ATP6V0C: variants seen among roughly 807,000 people sequenced by gnomAD.
The protein encoded by ATP6V0C is ATPase H+ transporting V0 subunit c.
ATP6V0C carries 2 observed loss-of-function variants against 10.6 expected under a neutral mutation model. The ratio of observed to expected loss-of-function variants is 0.19; its 90% CI spans 0.08 to 0.59. The LOEUF (loss-of-function observed/expected upper bound fraction) is 0.59, where lower values mean the gene tolerates loss of function less well. Among genes scored for constraint, ATP6V0C ranks in the 20% least tolerant of loss-of-function variants. ATP6V0C has a pLI of 0.90. For synonymous variants in ATP6V0C, 128 were observed against 101.3 expected (o/e 1.26, Z -1.59); for missense variants, 89 against 225.9 (o/e 0.39, Z 3.88).
chr16:2,519,484 C>T (rs1367391400), intron 2 of ATP6V0C, 57 bp from the exon 3 acceptor site: 2 of 1,547,946 alleles, frequency 1.3e-6, no homozygotes, highest in South Asian at 1.2e-5. Flanking sequence ...TGACCCGGAC[C>T]CTTGTCTCCC....
Position 2,514,049 on chromosome 16 carries a change from C to CCCGCCTCCGCCA in ATP6V0C, c.-47_-36dup. On this transcript the variant is annotated 5_prime_UTR_variant, in exon 1 of 3. Transcript: ENST00000330398. Reference sequence around the variant, plus strand: ...CCTTCGTGCCCGGCCCGTCCTCGCCCCCGCCTCCGCCACCGCCTCGGCCCG... The same window carrying CCCGCCTCCGCCA: ...CCTTCGTGCCCGGCCCGTCCTCGCCCCCGCCTCCGCCACCGCCTCCGCCACCGCCTCGGCCCG... The CCCGCCTCCGCCA allele has an allele frequency of 6.7e-7, 1 of 1,500,874 alleles. No individual in the cohort carries two copies. Among genetic ancestry groups the CCCGCCTCCGCCA allele is most frequent in the Non-Finnish European group, 9.0e-7 (1 of 1,111,992 alleles). The allele number at this position is 1,500,874 out of a possible 1,614,324, so 93.0% of individuals were successfully genotyped here. A position where few individuals can be genotyped will look rare whatever the true frequency, so the allele number is the denominator to read the frequency against.
Position 2,519,902 on chromosome 16 carries a change from C to T in ATP6V0C, c.*157C>T. 1 of 1,103,120 alleles carries T rather than the reference C, an allele frequency of 9.1e-7. No individual in the cohort carries two copies. Among genetic ancestry groups the T allele is most frequent in the Non-Finnish European group, 1.3e-6 (1 of 750,878 alleles). The allele number at this position is 1,103,120 out of a possible 1,614,324, so 68.3% of individuals were successfully genotyped here. A position where few individuals can be genotyped will look rare whatever the true frequency, so the allele number is the denominator to read the frequency against. On this transcript the variant is annotated 3_prime_UTR_variant, in exon 3 of 3. Coordinates refer to ENST00000330398, the MANE Select transcript of ATP6V0C (RefSeq NM_001694.4). ...AGTGCCCATCGTCTGTTTCCCCGGCCTTGCCCCCGCCCGCCCCGTGCCGTG... is the reference window on the plus strand; with the variant it reads ...AGTGCCCATCGTCTGTTTCCCCGGCTTTGCCCCCGCCCGCCCCGTGCCGTG...
Position 2,519,760 on chromosome 16 carries a change from C to G in ATP6V0C, c.*15C>G. Reference sequence around the variant, plus strand: ...CCACAAAGTAGACCCTCTCCGAGCCCACCAGCCACAGAATATTATGTAAAG... The same window carrying G: ...CCACAAAGTAGACCCTCTCCGAGCCGACCAGCCACAGAATATTATGTAAAG... On this transcript the variant is annotated 3_prime_UTR_variant, in exon 3 of 3. Coordinates refer to ENST00000330398, the MANE Select transcript of ATP6V0C (RefSeq NM_001694.4). 6.3e-7 allele frequency: 1 copy of G among 1,586,258 alleles called. No homozygotes were observed. The highest frequency in any genetic ancestry group is 1.3e-5 in the African/African-American group (1 of 74,248).
chr16:2,514,591 G>C (rs1414341016), intron 1 of ATP6V0C, among the ~76,000 whole-genome samples: 1 of 152,166 alleles, frequency 6.6e-6, no homozygotes, highest in South Asian at 2.1e-4. Context: ...CCCAGTGCGC[G>C]GGCGGCGGCG....
At chr16:2,517,577 C>A (rs977360642) in intron 1 of ATP6V0C, 1 of 152,290 alleles carries the variant, frequency 6.6e-6, no homozygotes, top group African/African-American at 2.4e-5. Flanking sequence ...TGTGTCCTCA[C>A]CCCTGCTGAG....
upstream of ATP6V0C, chr16:2,513,873 C>T: frequency 9.9e-6 from 4 of 402,314 alleles, no homozygotes; most frequent in Non-Finnish European, 1.8e-5. Flanking sequence ...CCCGGGGACG[C>T]GTCTCCCCCA....
chr16:2,514,801 G>C (rs1211544502), intron 1 of ATP6V0C, among the ~76,000 whole-genome samples: 1 of 152,196 alleles, frequency 6.6e-6, no homozygotes, highest in African/African-American at 2.4e-5. Flanking sequence ...TGGGCTGTTT[G>C]GGAAAGCTGG....
At chr16:2,519,018 T>G in intron 1 of ATP6V0C, 200 bp from the exon 2 acceptor site, 3 of 547,856 alleles carry the variant, frequency 5.5e-6, no homozygotes, top group Non-Finnish European at 9.5e-6. Context: ...GAAGGAGGAG[T>G]GGCTGTCCTG....
Position 2,519,239 on chromosome 16 carries a change from C to T in ATP6V0C, c.101C>T (p.Thr34Ile). The T allele has an allele frequency of 6.2e-7, 1 of 1,613,270 alleles. No individual in the cohort carries two copies. The change falls in exon 2 of 3, where the codon ACA (threonine) becomes ATA (isoleucine). Residue 34 changes from threonine (T) to isoleucine (I), a missense_variant. Transcript: ENST00000330398. Reference protein sequence around the residue: ...VFSALGAAYGTAKSGTGIAAM... With the variant: ...VFSALGAAYGIAKSGTGIAAM... ...ACAGCCCTGGGCGCTGCCTATGGCACAGCCAAGAGCGGTACCGGCATTGCG... is the reference window on the plus strand; with the variant it reads ...ACAGCCCTGGGCGCTGCCTATGGCATAGCCAAGAGCGGTACCGGCATTGCG...
chr16:2,519,443 G>A (rs780072027), intron 2 of ATP6V0C, 42 bp downstream of exon 2: 12 of 1,582,594 alleles, frequency 7.6e-6, no homozygotes, highest in Non-Finnish European at 1.0e-5. Context: ...CTGGAGGACT[G>A]CAGGGAGGGG....
In ATP6V0C at chr16:2,513,994, G is replaced by A. The variant is rs552017485; in HGVS notation, c.-110G>A. 1.8e-5 allele frequency: 18 copies of A among 979,008 alleles called. No homozygotes were observed. The highest frequency in any genetic ancestry group is 1.8e-4 in the East Asian group (6 of 33,090). The allele number at this position is 979,008 out of a possible 1,614,324, so 60.6% of individuals were successfully genotyped here. ...TTTAGAGCGCAGCGGCTGACGGGCC[G>A]GATCGCCTTCGCCGCCGCCCGCCCG... is the stretch of plus-strand genomic sequence containing the variant. On this transcript the variant is annotated 5_prime_UTR_variant, in exon 1 of 3. Transcript: ENST00000330398.
At chr16:2,515,719 T>A (rs974197094) in intron 1 of ATP6V0C, among the ~76,000 whole-genome samples, 1 of 152,136 alleles carries the variant, frequency 6.6e-6, no homozygotes, top group Non-Finnish European at 1.5e-5. Context: ...ACCTGTGGGG[T>A]ATTAGCTTGT....
At position 2,514,082 on chromosome 16, in the gene ATP6V0C, T is replaced by G. The variant is rs779508114; in HGVS notation, c.-22T>G. ...CGCCACCGCCTCGGCCCGCAGAGCT[T>G]GCCCCCTCCCCACCCGCAGACATGT... On this transcript the variant is annotated 5_prime_UTR_variant, in exon 1 of 3. Coordinates refer to ENST00000330398, the MANE Select transcript of ATP6V0C (RefSeq NM_001694.4). The G allele has an allele frequency of 6.4e-7, 1 of 1,559,952 alleles. No homozygotes were observed. Among genetic ancestry groups the G allele is most frequent in the Non-Finnish European group, 8.7e-7 (1 of 1,153,770 alleles).
At chr16:2,515,473 G>A (rs1257044007) in intron 1 of ATP6V0C, among the ~76,000 whole-genome samples, 2 of 152,060 alleles carry the variant, frequency 1.3e-5, no homozygotes, top group African/African-American at 4.8e-5. Flanking sequence ...TCTCTTGCGG[G>A]CCTCCTTCTG....
In ATP6V0C at chr16:2,514,013, C is replaced by A. The variant is rs1596981734; in HGVS notation, c.-91C>A. The stretch of plus-strand genomic sequence containing the variant: ...CGGGCCGGATCGCCTTCGCCGCCGC[C>A]CGCCCGCAAACCTTCGTGCCCGGCC... On this transcript the variant is annotated 5_prime_UTR_variant, in exon 1 of 3. Transcript: ENST00000330398. 2 of 1,246,116 alleles carry A rather than the reference C, an allele frequency of 1.6e-6. No homozygotes were observed. Among genetic ancestry groups the A allele is most frequent in the South Asian group, 1.4e-5 (1 of 71,384 alleles). 77.2% of individuals were successfully genotyped at this position (1,246,116 alleles called of 1,614,324 possible).
chr16:2,514,098 G>T lies in ATP6V0C; in HGVS notation c.-6G>T. 1 of 1,572,782 alleles carries T rather than the reference G, an allele frequency of 6.4e-7. No individual in the cohort carries two copies. Among genetic ancestry groups the T allele is most frequent in the Non-Finnish European group, 8.6e-7 (1 of 1,160,784 alleles). The stretch of plus-strand genomic sequence containing the variant: ...CGCAGAGCTTGCCCCCTCCCCACCC[G>T]CAGACATGTCCGAGTCCAAGAGCGG... On this transcript the variant is annotated 5_prime_UTR_variant, in exon 1 of 3. Transcript: ENST00000330398.
rs1323060473 is a variant in ATP6V0C, at chr16:2,519,993, A to G, written c.*248A>G. ...CCCCACCCCCTAGAGTGCTCTGTGT[A>G]TGCGGATGATTTAGAATTGTCATTT... is the stretch of plus-strand genomic sequence containing the variant. On this transcript the variant is annotated 3_prime_UTR_variant, in exon 3 of 3. Transcript: ENST00000330398. 4 of 689,984 alleles carry G rather than the reference A, an allele frequency of 5.8e-6. No individual in the cohort carries two copies. The highest frequency in any genetic ancestry group is 1.5e-5 in the South Asian group (1 of 66,616). The allele number at this position is 689,984 out of a possible 1,614,324, so 42.7% of individuals were successfully genotyped here. A position where few individuals can be genotyped will look rare whatever the true frequency, so the allele number is the denominator to read the frequency against.
At chr16:2,514,242 G>C in intron 1 of ATP6V0C, 60 bp downstream of exon 1, 2 of 1,472,044 alleles carry the variant, frequency 1.4e-6, no homozygotes, top group South Asian at 1.3e-5. Flanking sequence ...CATGCCCGCA[G>C]CTCGCCGGGG....
In ATP6V0C at chr16:2,519,358, G is replaced by A; in HGVS notation, c.220G>A (p.Val74Ile). The A allele has an allele frequency of 6.2e-7, 1 of 1,614,106 alleles. No individual in the cohort carries two copies. ...CGCCATCTACGGCCTGGTGGTGGCA[G>A]TCCTCATCGCCAACTCCCTGAATGA... ...IIAIYGLVVA[V>I]LIANSLNDDI... Residue 74 changes from valine (V) to isoleucine (I), a missense_variant, in exon 2 of 3, where the codon GTC becomes ATC. This residue lies in a region of ATP6V0C where 18 missense variants were observed against 79.5 expected (regional missense o/e 0.23). Transcript: ENST00000330398.
Sources: gnomAD v4.1 joint callset for allele counts (sites outside exome capture counted in the v4.1 genomes callset) on GRCh38, gnomAD v4.1.1 for gene constraint, gnomAD v4.1.1 regional missense constraint, MANE v1.5 for transcripts, NCBI Gene and HGNC (gene_info 2026-07-23, HGNC 2026-07-21) for gene names.